The following MAP3K20 variants were observed in gnomAD, a reference collection of about 807,000 sequenced individuals.
MAP3K20 encodes the protein HCCS-4.
A neutral mutation model predicts 85.7 loss-of-function variants in MAP3K20; 40 were observed. That is an observed-to-expected ratio of 0.47 (90% CI 0.36 to 0.61). The LOEUF (loss-of-function observed/expected upper bound fraction) is 0.61, where lower values mean the gene tolerates loss of function less well. Among genes scored for constraint, MAP3K20 ranks in the 20% least tolerant of loss-of-function variants. MAP3K20 has a pLI of 0.00. For synonymous variants in MAP3K20, 325 were observed against 327.7 expected, an observed-to-expected ratio of 0.99 and a Z score of 0.09; for missense variants, 817 against 961.7, an observed-to-expected ratio of 0.85 and a Z score of 1.99.
intron 1 of MAP3K20, 120 bp from the exon 2 acceptor site, chr2:173,090,878 T>C: frequency 7.3e-7 from 1 of 1,371,114 alleles, no homozygotes; most frequent in Non-Finnish European, 9.4e-7. Flanking sequence ...TCTTCCTAAG[T>C]CACCGTGACT....
intron 2 of MAP3K20, among the ~76,000 whole-genome samples, chr2:173,129,755 A>G (rs1329124569): frequency 1.3e-5 from 2 of 152,236 alleles, no homozygotes; most frequent in Non-Finnish European, 2.9e-5. Flanking sequence ...TACTTGACCT[A>G]TTAAAATCAA....
At chr2:173,239,356 A>T (rs761292612) in intron 15 of MAP3K20, 48 bp from the exon 16 acceptor site, 2 of 1,470,166 alleles carry the variant, frequency 1.4e-6, no homozygotes, top group African/African-American at 2.8e-5. Flanking sequence ...TTTACATGAG[A>T]AGTAAAAACA....
At chr2:173,147,315 A>G (rs1462604999) in intron 2 of MAP3K20, among the ~76,000 whole-genome samples, 1 of 152,206 alleles carries the variant, frequency 6.6e-6, no homozygotes, top group Non-Finnish European at 1.5e-5. Context: ...AGAGTTTTAT[A>G]GTTTTAGCTC....
chr2:173,225,486 A>T (rs1259891968), intron 11 of MAP3K20: 29 of 623,876 alleles, frequency 4.6e-5, no homozygotes, highest in African/African-American at 6.1e-5. Context: ...CCCAGCTACT[A>T]GGGAGGCTGA....
chr2:173,205,701 CT>C (rs1330027869), intron 9 of MAP3K20, among the ~76,000 whole-genome samples: 1 of 151,862 alleles, frequency 6.6e-6, no homozygotes, highest in African/African-American at 2.4e-5. Context: ...TTCCCTTACC[CT>C]TTTTTTTAAG....
intron 14 of MAP3K20, among the ~76,000 whole-genome samples, chr2:173,233,965 G>C (rs1684587474): frequency 6.6e-6 from 1 of 152,176 alleles, no homozygotes. Flanking sequence ...ATTTCCCAAA[G>C]GCTGGCAAAG....
At chr2:173,212,102 A>G (rs1162366036) in intron 10 of MAP3K20, 1 of 152,196 alleles carries the variant, frequency 6.6e-6, no homozygotes, top group Non-Finnish European at 1.5e-5. Context: ...ATATAAAAAG[A>G]GATTGTGATA....
At chr2:173,245,196 T>C (rs1684885869) in intron 16 of MAP3K20, among the ~76,000 whole-genome samples, 2 of 152,204 alleles carry the variant, frequency 1.3e-5, no homozygotes, top group Admixed American at 1.3e-4. Flanking sequence ...AGGAAAATAT[T>C]ACCTTATACA....
intron 18 of MAP3K20, among the ~76,000 whole-genome samples, chr2:173,261,352 G>A (rs373548079): frequency 1.3e-4 from 20 of 152,192 alleles, no homozygotes; most frequent in Middle Eastern, 3.2e-3. Flanking sequence ...CCCAGATAGC[G>A]ACTGAGGTAG....
intron 16 of MAP3K20, among the ~76,000 whole-genome samples, chr2:173,248,698 C>T (rs956990890): frequency 1.3e-5 from 2 of 152,022 alleles, no homozygotes; most frequent in African/African-American, 4.8e-5. Flanking sequence ...ATGTGTAGAT[C>T]TCCATGGTGT....
intron 16 of MAP3K20, among the ~76,000 whole-genome samples, chr2:173,242,133 C>T (rs1574149882): frequency 6.6e-6 from 1 of 151,844 alleles, no homozygotes; most frequent in East Asian, 1.9e-4. Context: ...AAAAAATTTC[C>T]TTGGAAAAGA....
At chr2:173,184,667 G>A (rs1407041501) in intron 4 of MAP3K20, among the ~76,000 whole-genome samples, 2 of 152,160 alleles carry the variant, frequency 1.3e-5, no homozygotes, top group African/African-American at 4.8e-5. Context: ...CCAGCACTTT[G>A]GGAGTCCCAG....
chr2:173,127,524 A>T (rs934866693), intron 2 of MAP3K20, among the ~76,000 whole-genome samples: 1 of 152,238 alleles, frequency 6.6e-6, no homozygotes, highest in South Asian at 2.1e-4. Flanking sequence ...GAAAAAAGAT[A>T]TGGGAAACAA....
At chr2:173,217,289 C>A in intron 11 of MAP3K20, 39 bp downstream of exon 11, 1 of 1,480,324 alleles carries the variant, frequency 6.8e-7, no homozygotes, top group Non-Finnish European at 9.0e-7. Flanking sequence ...CCACATGCGG[C>A]TCTAGGCTGC....
At chr2:173,252,369 C>T (rs768870234) in intron 16 of MAP3K20, among the ~76,000 whole-genome samples, 17 of 152,174 alleles carry the variant, frequency 1.1e-4, no homozygotes, top group Non-Finnish European at 2.2e-4. Context: ...AATTTTTTCA[C>T]TTGGTGATCC....
intron 2 of MAP3K20, among the ~76,000 whole-genome samples, chr2:173,156,799 G>A (rs187457365): frequency 2.6e-5 from 4 of 152,176 alleles, no homozygotes; most frequent in African/African-American, 9.7e-5. Context: ...TAGAATGCTG[G>A]TGAAAGTTCC....
chr2:173,113,862 G>A (rs887544574), intron 2 of MAP3K20, among the ~76,000 whole-genome samples: 1 of 152,018 alleles, frequency 6.6e-6, no homozygotes, highest in African/African-American at 2.4e-5. Context: ...TGTGTATTTT[G>A]GGGCTGTTGG....
chr2:173,112,427 A>G (rs1165288768), intron 2 of MAP3K20, among the ~76,000 whole-genome samples: 2 of 152,164 alleles, frequency 1.3e-5, no homozygotes, highest in African/African-American at 2.4e-5. Flanking sequence ...TGATCCGGCT[A>G]GGACTTACAG....
chr2:173,213,795 AAG>A (rs1162912715), intron 10 of MAP3K20, among the ~76,000 whole-genome samples: 2 of 152,240 alleles, frequency 1.3e-5, no homozygotes, highest in Admixed American at 6.5e-5. Flanking sequence ...CTTTTTAGCT[AAG>A]AGAAATATTA....
Sources: allele counts gnomAD v4.1 joint callset (sites outside exome capture counted in the v4.1 genomes callset), GRCh38; gene constraint gnomAD v4.1.1; transcripts MANE v1.5; gene names NCBI Gene and HGNC (gene_info 2026-07-23, HGNC 2026-07-21).